Variants in DENND1A observed in about 807,000 individuals in gnomAD.
The protein encoded by DENND1A is DENN domain containing 1A, also known as DENN domain-containing protein 1A.
In DENND1A, 51 loss-of-function variants were observed where a neutral mutation model predicts 113.7. The ratio of observed to expected loss-of-function variants is 0.45; its 90% confidence interval spans 0.36 to 0.57. The LOEUF (loss-of-function observed/expected upper bound fraction) is 0.57, where lower values mean the gene tolerates loss of function less well. Among genes scored for constraint, DENND1A ranks in the 20% least tolerant of loss-of-function variants. The pLI, the probability that DENND1A is intolerant of heterozygous loss-of-function variation, is 0.00. For synonymous variants in DENND1A, 565 were observed against 570.8 expected (o/e 0.99, Z 0.14); for missense variants, 1,258 against 1,395.9 (o/e 0.90, Z 1.57).
chr9:123,604,911 C>T lies in DENND1A; in HGVS notation c.765+4525G>A, dbSNP rs569925959. Among the ~76,000 whole-genome samples, 61 of 152,228 alleles carry T rather than the reference C, an allele frequency of 4.0e-4. No homozygotes were observed. In the South Asian group the frequency reaches 4.6e-3, roughly 11 times the overall value. ...AAGTAAAACCAGCAAGGATTGCTGA[C>T]CTTTGTTGAGCTCTTTATGTGCAGG... On this transcript the variant is annotated intron_variant, in intron 11 of 23. Transcript: ENST00000394215.
chr9:123,579,026 C>T (rs2058758274), intron 12 of DENND1A, among the ~76,000 whole-genome samples: 1 of 152,054 alleles, frequency 6.6e-6, no homozygotes, highest in Admixed American at 6.6e-5. Flanking sequence ...GTTCTAAAAA[C>T]CTACAGTACA....
intron 10 of DENND1A, among the ~76,000 whole-genome samples, chr9:123,614,725 T>A (rs2060568100): frequency 6.6e-6 from 1 of 152,082 alleles, no homozygotes; most frequent in African/African-American, 2.4e-5. Context: ...AGCCCAGGGA[T>A]TTGGAAAGAT....
intron 6 of DENND1A, among the ~76,000 whole-genome samples, chr9:123,674,385 CACACACACAAT>C (rs2063936764): frequency 7.1e-6 from 1 of 141,666 alleles, no homozygotes; most frequent in African/African-American, 2.7e-5. Context: ...CACACACACA[CACACACACAAT>C]AGAAGCCTAT....
intron 13 of DENND1A, among the ~76,000 whole-genome samples, chr9:123,468,656 G>A (rs912397244): frequency 1.2e-4 from 19 of 152,220 alleles, no homozygotes; most frequent in Non-Finnish European, 2.2e-4. Flanking sequence ...TGTGGCAGCT[G>A]CCAAGGAGCC....
intron 13 of DENND1A, among the ~76,000 whole-genome samples, chr9:123,548,609 AC>A (rs1364883933): frequency 2.0e-5 from 3 of 152,266 alleles, no homozygotes; most frequent in Non-Finnish European, 4.4e-5. Context: ...TATTAATTAT[AC>A]ACACACATTC....
intron 1 of DENND1A, among the ~76,000 whole-genome samples, chr9:123,923,989 T>C (rs1359029425): frequency 6.6e-6 from 1 of 152,192 alleles, no homozygotes; most frequent in African/African-American, 2.4e-5. Context: ...AGCAACATCA[T>C]TCATAATGAT....
At chr9:123,493,913 T>A (rs909941397) in intron 13 of DENND1A, among the ~76,000 whole-genome samples, 3 of 152,048 alleles carry the variant, frequency 2.0e-5, no homozygotes, top group Non-Finnish European at 2.9e-5. Context: ...AAAGCAAACA[T>A]CTTGGGAGAA....
At chr9:123,722,284 G>A (rs142381253) in intron 5 of DENND1A, among the ~76,000 whole-genome samples, 4 of 152,264 alleles carry the variant, frequency 2.6e-5, no homozygotes, top group African/African-American at 9.6e-5. Flanking sequence ...AGGTGACTTG[G>A]GTGCTGTTAA....
intron 20 of DENND1A, among the ~76,000 whole-genome samples, chr9:123,406,928 G>C (rs181415995): frequency 6.6e-6 from 1 of 152,290 alleles, no homozygotes; most frequent in East Asian, 1.9e-4. Flanking sequence ...GGCGGGTTAA[G>C]AATGTGAACT....
At chr9:123,432,512 G>A (rs1046541724) in intron 19 of DENND1A, among the ~76,000 whole-genome samples, 2 of 152,228 alleles carry the variant, frequency 1.3e-5, no homozygotes, top group African/African-American at 4.8e-5. Flanking sequence ...CACAGAGGCC[G>A]GATCAGAGCA....
intron 11 of DENND1A, 147 bp downstream of exon 11, chr9:123,609,289 G>A (rs530776426): frequency 5.7e-5 from 41 of 713,478 alleles, no homozygotes; most frequent in East Asian, 4.1e-4. Context: ...CGTCCAAACC[G>A]AACGCTCAGC....
rs2061111901 is a variant in DENND1A, at chr9:123,624,550, T to TATA, written c.719+5825_719+5826insTAT. On this transcript the variant is annotated intron_variant, in intron 10 of 23. Coordinates refer to ENST00000394215, the MANE Select transcript of DENND1A (RefSeq NM_001352964.2). Reference sequence around the variant, plus strand: ...CTTTGGTCATATGTCAGAAAGTTCTTTCACGGAAACAAGAGACCAGGAGAA... The same window carrying TATA: ...CTTTGGTCATATGTCAGAAAGTTCTTATATCACGGAAACAAGAGACCAGGAGAA... Among the ~76,000 whole-genome samples, 4 of 152,324 alleles carry TATA rather than the reference T, an allele frequency of 2.6e-5. No homozygotes were observed. The East Asian group carries it at 5.8e-4, about 22-fold the overall frequency.
At chr9:123,929,544 G>A (rs541822192) in intron 1 of DENND1A, among the ~76,000 whole-genome samples, 1 of 152,252 alleles carries the variant, frequency 6.6e-6, no homozygotes, top group East Asian at 1.9e-4. Flanking sequence ...CAAACATGGG[G>A]AGGTGCTTCC....
chr9:123,680,974 G>A (rs575640896), intron 5 of DENND1A, among the ~76,000 whole-genome samples: 6 of 152,220 alleles, frequency 3.9e-5, no homozygotes, highest in East Asian at 3.9e-4. Context: ...CTGTCCTCCC[G>A]AAGGGGCAAC....
At chr9:123,433,440 G>A (rs1329397612) in intron 19 of DENND1A, among the ~76,000 whole-genome samples, 2 of 152,138 alleles carry the variant, frequency 1.3e-5, no homozygotes, top group East Asian at 3.8e-4. Flanking sequence ...GAGCCTGTGT[G>A]TGTACATGAT....
intron 19 of DENND1A, among the ~76,000 whole-genome samples, chr9:123,432,617 G>A (rs1392884073): frequency 1.3e-5 from 2 of 152,192 alleles, no homozygotes; most frequent in South Asian, 2.1e-4. Context: ...CGGGGGCAAC[G>A]GAAAAGGAGA....
In DENND1A at chr9:123,676,711, G is replaced by C; in HGVS notation, c.372+9C>G. The stretch of plus-strand genomic sequence containing the variant: ...TTGTTTAAAAGAATTATTTTAAAAA[G>C]GTAAATACCTGTCTTTTTGTCGTGT... On this transcript the variant is annotated intron_variant, in intron 6 of 23. Transcript: ENST00000394215. 1.2e-6 allele frequency: 2 copies of C among 1,612,176 alleles called. No individual in the cohort carries two copies. The highest frequency in any genetic ancestry group is 1.7e-6 in the Non-Finnish European group (2 of 1,178,614).
At chr9:123,521,101 C>G (rs1454290610) in intron 13 of DENND1A, among the ~76,000 whole-genome samples, 12 of 152,176 alleles carry the variant, frequency 7.9e-5, no homozygotes, top group Admixed American at 7.9e-4. Flanking sequence ...GATCCTCACG[C>G]CGAGACACAT....
intron 13 of DENND1A, among the ~76,000 whole-genome samples, chr9:123,530,767 C>G (rs1408136339): frequency 6.6e-6 from 1 of 152,072 alleles, no homozygotes; most frequent in Non-Finnish European, 1.5e-5. Context: ...TAGTATCGAA[C>G]CCTAAACATA....
Sources: gnomAD v4.1 joint callset for allele counts (sites outside exome capture counted in the v4.1 genomes callset) on GRCh38, gnomAD v4.1.1 for gene constraint, MANE v1.5 for transcripts, NCBI Gene and HGNC (gene_info 2026-07-23, HGNC 2026-07-21) for gene names.